Variants in SLAIN2 observed in about 807,000 individuals in gnomAD.
The protein encoded by SLAIN2 is SLAIN motif-containing protein 2.
In SLAIN2, 31 loss-of-function variants were observed where a neutral mutation model predicts 56.6. That is an observed-to-expected ratio of 0.55 (90% confidence interval 0.41 to 0.74). SLAIN2 has a LOEUF of 0.74. Ranked by LOEUF, SLAIN2 falls within the 30% of genes least tolerant of loss-of-function variation. The pLI is 0.00. For synonymous variants in SLAIN2, 317 were observed against 284.9 expected, an observed-to-expected ratio of 1.11 and a Z score of -1.13; for missense variants, 777 against 754.2, an observed-to-expected ratio of 1.03 and a Z score of -0.35.
chr4:48,420,229 C>G lies in SLAIN2; in HGVS notation c.1465C>G (p.Gln489Glu), dbSNP rs1237907082. The G allele has an allele frequency of 6.2e-7, 1 of 1,613,904 alleles. No individual in the cohort carries two copies. Among genetic ancestry groups the G allele is most frequent in the Admixed American group, 1.7e-5 (1 of 60,010 alleles). The part of the protein sequence containing the change: ...SNHGSGSPGS[Q>E]EITQLTQTTS... ...CCATGGCTCTGGTTCTCCTGGTAGC[C>G]AAGAAATAACACAGCTCACACAAAC... The change falls in exon 7 of 8, where the codon CAA becomes GAA. Residue 489 changes from glutamine to glutamate, a missense_variant. Physicochemically the swap from Gln to Glu is conservative, Grantham distance 29 (BLOSUM62 2). Coordinates refer to ENST00000264313, the MANE Select transcript of SLAIN2 (RefSeq NM_020846.2).
At chr4:48,418,773 A>G (rs1717065791) in intron 6 of SLAIN2, among the ~76,000 whole-genome samples, 2 of 152,152 alleles carry the variant, frequency 1.3e-5, no homozygotes, top group Admixed American at 1.3e-4. Flanking sequence ...CCAACCTCCA[A>G]CAAACATTTG....
chr4:48,395,029 T>TA (rs2109772344), intron 6 of SLAIN2, among the ~76,000 whole-genome samples: 1 of 152,356 alleles, frequency 6.6e-6, no homozygotes, highest in Non-Finnish European at 1.5e-5. Context: ...TACTTTTACT[T>TA]ACCTGTGTAA....
intron 1 of SLAIN2, among the ~76,000 whole-genome samples, chr4:48,367,918 C>T (rs1383688354): frequency 6.6e-6 from 1 of 152,028 alleles, no homozygotes; most frequent in South Asian, 2.1e-4. Context: ...TAAAAAGAAA[C>T]CTCATTCCCA....
chr4:48,354,557 C>T (rs1715105663), intron 1 of SLAIN2, among the ~76,000 whole-genome samples: 1 of 152,004 alleles, frequency 6.6e-6, no homozygotes, highest in Non-Finnish European at 1.5e-5. Flanking sequence ...ACTTTTGCAG[C>T]CCGGGTTCAA....
At chr4:48,351,808 T>C (rs1407769308) in intron 1 of SLAIN2, among the ~76,000 whole-genome samples, 3 of 152,226 alleles carry the variant, frequency 2.0e-5, no homozygotes, top group Non-Finnish European at 2.9e-5. Context: ...AGAATGAACA[T>C]AGAATTCTGT....
chr4:48,363,622 A>AC (rs1314638240), intron 1 of SLAIN2, among the ~76,000 whole-genome samples: 1 of 81,422 alleles, frequency 1.2e-5, no homozygotes, highest in Non-Finnish European at 2.5e-5. Context: ...CGGGGGGCTG[A>AC]CCCCCCCACC....
At chr4:48,356,264 G>A (rs965460926) in intron 1 of SLAIN2, among the ~76,000 whole-genome samples, 5 of 152,126 alleles carry the variant, frequency 3.3e-5, no homozygotes, top group Admixed American at 3.3e-4. Context: ...ATGCATGTTT[G>A]TAATGTTTAT....
intron 1 of SLAIN2, among the ~76,000 whole-genome samples, chr4:48,354,894 C>A (rs1251474476): frequency 6.7e-6 from 1 of 149,376 alleles, no homozygotes; most frequent in Non-Finnish European, 1.5e-5. Context: ...ATTTTCTTTT[C>A]TTTTCTTTTT....
intron 1 of SLAIN2, among the ~76,000 whole-genome samples, chr4:48,361,501 G>A (rs1269574949): frequency 1.3e-5 from 2 of 152,160 alleles, no homozygotes; most frequent in Admixed American, 6.5e-5. Flanking sequence ...GAGGGAAACT[G>A]GCACAGAATT....
In SLAIN2 at chr4:48,342,727, T is replaced by TTTTTTTTTTTTTTTTTTTTTTTC; in HGVS notation, c.389+607_389+608insTTTTTTTTTTTTTTCTTTTTTTT. On this transcript the variant is annotated intron_variant, in intron 1 of 7. Transcript: ENST00000264313. ...ATGGTGCTGCTTTTTTTTTTTTTTTTTTTTTTTTGTTACTCTGTGTGAAGA... is the reference window on the plus strand; with the variant it reads ...ATGGTGCTGCTTTTTTTTTTTTTTTTTTTTTTTTTTTTTTTTTTTTTTCTTTTTTTTGTTACTCTGTGTGAAGA... Among the ~76,000 whole-genome samples the TTTTTTTTTTTTTTTTTTTTTTTC allele has an allele frequency of 1.4e-5, 2 of 143,814 alleles. 1 individual carries two copies. Among genetic ancestry groups the TTTTTTTTTTTTTTTTTTTTTTTC allele is most frequent in the Non-Finnish European group, 3.0e-5 (2 of 65,606 alleles). The allele number at this position is 143,814 out of a possible 152,430, so 94.3% of individuals were successfully genotyped here.
At chr4:48,409,630 T>C (rs2109783269) in intron 6 of SLAIN2, among the ~76,000 whole-genome samples, 1 of 152,328 alleles carries the variant, frequency 6.6e-6, no homozygotes, top group African/African-American at 2.4e-5. Context: ...ACGCCTGTAA[T>C]CCCAGCACTT....
chr4:48,422,814 A>G lies in SLAIN2; in HGVS notation c.*737A>G, dbSNP rs936475723. The G allele has an allele frequency of 1.2e-4, 19 of 152,222 alleles. No homozygotes were observed. The highest frequency in any genetic ancestry group is 4.6e-4 in the Admixed American group (7 of 15,276). The allele number at this position is 152,222 out of a possible 1,614,324, so 9.4% of individuals were successfully genotyped here. A position where few individuals can be genotyped will look rare whatever the true frequency, so the allele number is the denominator to read the frequency against. On this transcript the variant is annotated 3_prime_UTR_variant, in exon 8 of 8. Coordinates refer to ENST00000264313, the MANE Select transcript of SLAIN2 (RefSeq NM_020846.2). ...TTGTGTGTGTTTGTTTTGATTGCCA[A>G]AAGGGCTTAATATCAGTTGTACAAT... is the stretch of plus-strand genomic sequence containing the variant.
intron 6 of SLAIN2, among the ~76,000 whole-genome samples, chr4:48,398,477 T>G (rs1716466568): frequency 6.6e-6 from 1 of 152,246 alleles, no homozygotes; most frequent in South Asian, 2.1e-4. Flanking sequence ...TTTCTTTTGC[T>G]GTGCAGAAGC....
intron 6 of SLAIN2, among the ~76,000 whole-genome samples, chr4:48,404,517 T>C (rs1716643119): frequency 6.6e-6 from 1 of 152,208 alleles, no homozygotes; most frequent in African/African-American, 2.4e-5. Flanking sequence ...TTAGAAACAA[T>C]TAAAATGATA....
At chr4:48,363,519 G>A (rs1397543802) in intron 1 of SLAIN2, among the ~76,000 whole-genome samples, 1 of 72,910 alleles carries the variant, frequency 1.4e-5, no homozygotes, top group African/African-American at 4.6e-5. Context: ...AGGGGCGGCC[G>A]GGCAGAGGCG....
At chr4:48,368,424 A>C (rs79753664) in intron 1 of SLAIN2, among the ~76,000 whole-genome samples, 2,584 of 152,318 alleles carry the variant, frequency 0.017, 70 homozygotes, top group African/African-American at 0.059. Context: ...TATGTAGTAC[A>C]TGTGAGCCAT....
chr4:48,356,418 T>C (rs1379125227), intron 1 of SLAIN2, among the ~76,000 whole-genome samples: 1 of 152,180 alleles, frequency 6.6e-6, no homozygotes, highest in Non-Finnish European at 1.5e-5. Context: ...AGATCTGTAC[T>C]AGTAGCTGAA....
At chr4:48,398,625 T>TG (rs1194849595) in intron 6 of SLAIN2, among the ~76,000 whole-genome samples, 1 of 152,244 alleles carries the variant, frequency 6.6e-6, no homozygotes, top group Non-Finnish European at 1.5e-5. Flanking sequence ...TTTTATAGTT[T>TG]GGGGTTTTAC....
intron 6 of SLAIN2, among the ~76,000 whole-genome samples, chr4:48,413,329 G>C (rs1326162673): frequency 6.6e-6 from 1 of 152,128 alleles, no homozygotes; most frequent in Non-Finnish European, 1.5e-5. Context: ...GTTCAGTTCA[G>C]TTATAACACG....
Sources: allele counts gnomAD v4.1 joint callset (sites outside exome capture counted in the v4.1 genomes callset), GRCh38; gene constraint gnomAD v4.1.1; transcripts MANE v1.5; gene names NCBI Gene and HGNC (gene_info 2026-07-23, HGNC 2026-07-21).